Variants in MMP16 observed in about 807,000 individuals in gnomAD.
MMP16 encodes matrix metalloproteinase-16.
Under a neutral mutation model 67.8 loss-of-function variants are expected in MMP16, and 12 were observed. The ratio of observed to expected loss-of-function variants is 0.18; its 90% CI spans 0.11 to 0.29. MMP16 has a LOEUF of 0.29. Ranked by LOEUF, MMP16 falls within the 10% of genes least tolerant of loss-of-function variation. The pLI is 1.00. For synonymous variants in MMP16, 249 were observed against 255.9 expected, an observed-to-expected ratio of 0.97 and a Z score of 0.26; for missense variants, 475 against 765.7, an observed-to-expected ratio of 0.62 and a Z score of 4.48.
At chr8:88,189,462 T>A (rs1321338082) in intron 2 of MMP16, among the ~76,000 whole-genome samples, 1 of 152,084 alleles carries the variant, frequency 6.6e-6, no homozygotes, top group African/African-American at 2.4e-5. Flanking sequence ...TCACATCCAG[T>A]CAATCACAGT....
At chr8:88,277,548 C>G (rs1810667072) in intron 1 of MMP16, among the ~76,000 whole-genome samples, 1 of 152,150 alleles carries the variant, frequency 6.6e-6, no homozygotes, top group South Asian at 2.1e-4. Context: ...AACTGTGCTG[C>G]CGGCAGCTGT....
At chr8:88,150,975 G>A (rs1284823423) in intron 4 of MMP16, among the ~76,000 whole-genome samples, 33 of 141,182 alleles carry the variant, frequency 2.3e-4, no homozygotes, top group East Asian at 4.2e-4. Context: ...CCCATCTCAC[G>A]TGCAGAGACA....
In MMP16 at chr8:88,167,894, C is replaced by T. The variant is rs1260245087; in HGVS notation, c.484G>A (p.Val162Ile). The change falls in exon 4 of 10, where the codon GTA becomes ATA. Residue 162 changes from valine to isoleucine, a missense_variant. Transcript: ENST00000286614. ...ACTTCTTCAAATGTCAGAGGAGTTA[C>T]ATTCTGCCACACATCAAAGGCACGG... Reference protein sequence around the residue: ...IRRAFDVWQNVTPLTFEEVPY... With the variant: ...IRRAFDVWQNITPLTFEEVPY... 1 of 1,613,896 alleles carries T rather than the reference C, an allele frequency of 6.2e-7. No homozygotes were observed. The highest frequency in any genetic ancestry group is 8.5e-7 in the Non-Finnish European group (1 of 1,179,960).
intron 1 of MMP16, among the ~76,000 whole-genome samples, chr8:88,240,924 A>ATT (rs955653531): frequency 1.3e-5 from 2 of 151,948 alleles, no homozygotes; most frequent in African/African-American, 4.8e-5. Context: ...TCACAGTCTG[A>ATT]TTTTTCTACT....
intron 1 of MMP16, among the ~76,000 whole-genome samples, chr8:88,297,676 TA>T (rs1381839677): frequency 6.6e-6 from 1 of 152,210 alleles, no homozygotes. Flanking sequence ...AAGTGTGCTC[TA>T]GAGGCAGACT....
At chr8:88,105,544 C>T (rs776396131) in intron 6 of MMP16, among the ~76,000 whole-genome samples, 1 of 151,368 alleles carries the variant, frequency 6.6e-6, no homozygotes, top group Non-Finnish European at 1.5e-5. Flanking sequence ...GTGATGGAAA[C>T]AGAAAAATTT....
chr8:88,253,163 T>C (rs1338649711), intron 1 of MMP16, among the ~76,000 whole-genome samples: 1 of 151,146 alleles, frequency 6.6e-6, no homozygotes, highest in Non-Finnish European at 1.5e-5. Flanking sequence ...GCTATTATTA[T>C]GATTATCATT....
intron 4 of MMP16, among the ~76,000 whole-genome samples, chr8:88,155,433 A>G (rs916242866): frequency 1.2e-4 from 19 of 152,028 alleles, no homozygotes; most frequent in African/African-American, 3.1e-4. Flanking sequence ...CTTACAGGAT[A>G]TATGTATTTA....
At chr8:88,198,443 T>C (rs956506249) in intron 1 of MMP16, among the ~76,000 whole-genome samples, 2 of 152,128 alleles carry the variant, frequency 1.3e-5, no homozygotes, top group African/African-American at 4.8e-5. Context: ...CCTCAGTCTA[T>C]TTATCACATA....
intron 3 of MMP16, among the ~76,000 whole-genome samples, chr8:88,184,885 G>C (rs1206329602): frequency 2.0e-5 from 3 of 151,490 alleles, no homozygotes; most frequent in Admixed American, 2.0e-4. Flanking sequence ...TACAGTTATT[G>C]GGAAAATAAC....
At chr8:88,046,309 G>T (rs538431227) in intron 9 of MMP16, among the ~76,000 whole-genome samples, 1 of 152,028 alleles carries the variant, frequency 6.6e-6, no homozygotes, top group Non-Finnish European at 1.5e-5. Context: ...ATAATACCTC[G>T]AGTGGCACCT....
intron 6 of MMP16, among the ~76,000 whole-genome samples, chr8:88,087,464 G>C (rs1808852835): frequency 2.0e-5 from 3 of 151,886 alleles, no homozygotes; most frequent in Admixed American, 2.0e-4. Context: ...AGTAGGGTGG[G>C]AAAAGGAGAT....
In MMP16 at chr8:88,324,007, T is replaced by C. The variant is rs1280069983; in HGVS notation, c.132+3068A>G. ...TTGCATCGTGCTAATTATCACATACTGAAAGACCAACTCTTAAAAAAGGGA... is the reference window on the plus strand; with the variant it reads ...TTGCATCGTGCTAATTATCACATACCGAAAGACCAACTCTTAAAAAAGGGA... On this transcript the variant is annotated intron_variant, in intron 1 of 9. Transcript: ENST00000286614. Among the ~76,000 whole-genome samples, 6 of 152,272 alleles carry C rather than the reference T, an allele frequency of 3.9e-5. 1 individual carries two copies. In the East Asian group the frequency reaches 1.2e-3, roughly 29 times the overall value.
chr8:88,105,151 C>T (rs1809215590), intron 6 of MMP16, among the ~76,000 whole-genome samples: 1 of 143,148 alleles, frequency 7.0e-6, no homozygotes, highest in Admixed American at 7.0e-5. Flanking sequence ...TTTATCTCAT[C>T]TTTTTTTTTT....
At chr8:88,305,726 T>C (rs906133802) in intron 1 of MMP16, among the ~76,000 whole-genome samples, 14 of 152,166 alleles carry the variant, frequency 9.2e-5, no homozygotes, top group Non-Finnish European at 1.9e-4. Flanking sequence ...ATCAAGAAGT[T>C]CTTTGAAACT....
At chr8:88,153,839 T>A (rs939715440) in intron 4 of MMP16, among the ~76,000 whole-genome samples, 1 of 151,866 alleles carries the variant, frequency 6.6e-6, no homozygotes, top group Non-Finnish European at 1.5e-5. Context: ...CCAAAAGCAA[T>A]GGCAACAAAA....
At chr8:88,088,700 C>A (rs1463371212) in intron 6 of MMP16, among the ~76,000 whole-genome samples, 1 of 152,000 alleles carries the variant, frequency 6.6e-6, no homozygotes, top group Non-Finnish European at 1.5e-5. Flanking sequence ...GGTTTATTTA[C>A]TTAAATAAAG....
In MMP16 at chr8:88,242,987, C is replaced by T. The variant is rs188777647; in HGVS notation, c.133-45681G>A. ...ATTTATTTGGAAAGTGATGGTAAAC[C>T]TGTATGTCTTTAACCTGTCTAAAAA... On this transcript the variant is annotated intron_variant, in intron 1 of 9. Coordinates refer to ENST00000286614, the MANE Select transcript of MMP16 (RefSeq NM_005941.5). 1.1e-3 allele frequency among the ~76,000 whole-genome samples: 163 copies of T among 152,178 alleles called. No homozygotes were observed. In the Middle Eastern group the frequency reaches 0.014, roughly 13 times the overall value.
At chr8:88,046,980 A>C (rs1808207207) in intron 8 of MMP16, among the ~76,000 whole-genome samples, 196 bp from the exon 9 acceptor site, 1 of 152,178 alleles carries the variant, frequency 6.6e-6, no homozygotes, top group Non-Finnish European at 1.5e-5. Flanking sequence ...AATGGGCATA[A>C]GGCATTTATT....
Sources: gnomAD v4.1 joint callset for allele counts (sites outside exome capture counted in the v4.1 genomes callset) on GRCh38, gnomAD v4.1.1 for gene constraint, MANE v1.5 for transcripts, NCBI Gene and HGNC (gene_info 2026-07-23, HGNC 2026-07-21) for gene names.